The following ABCG2 variants were observed in gnomAD, a reference collection of about 807,000 sequenced individuals.
ABCG2 encodes the protein ATP binding cassette subfamily G member 2 (JR blood group).
A neutral mutation model predicts 73.5 loss-of-function variants in ABCG2; 80 were observed. The ratio of observed to expected loss-of-function variants is 1.09; its 90% CI spans 0.91 to 1.31. The LOEUF (loss-of-function observed/expected upper bound fraction) is 1.31. Among genes scored for constraint, ABCG2 ranks in the 50% most tolerant of loss-of-function variants. The probability of loss-of-function intolerance (pLI) is 0.00; values close to 1 mark genes in which losing one functional copy is unlikely to be tolerated. For synonymous variants in ABCG2, 269 were observed against 282.4 expected (o/e 0.95, Z 0.48); for missense variants, 796 against 786.2 (o/e 1.01, Z -0.15).
At chr4:88,121,110 G>T (rs1723936174) in intron 6 of ABCG2, among the ~76,000 whole-genome samples, 1 of 152,142 alleles carries the variant, frequency 6.6e-6, no homozygotes, top group African/African-American at 2.4e-5. Flanking sequence ...GATCAGGCCA[G>T]TAGGTCAACA....
chr4:88,114,473 G>A (rs1254218375), intron 8 of ABCG2, among the ~76,000 whole-genome samples: 4 of 151,852 alleles, frequency 2.6e-5, no homozygotes, highest in Non-Finnish European at 4.4e-5. Flanking sequence ...CTAAATATAC[G>A]AAAATTAGCC....
chr4:88,139,886 AAC>A lies in ABCG2; in HGVS notation c.108_109del (p.Leu37LysfsTer4). 6.2e-7 allele frequency: 1 copy of A among 1,614,190 alleles called. No homozygotes were observed. The highest frequency in any genetic ancestry group is 8.5e-7 in the Non-Finnish European group (1 of 1,180,022). On this transcript the variant is annotated frameshift_variant, in exon 2 of 16. Coordinates refer to ENST00000237612, the MANE Select transcript of ABCG2 (RefSeq NM_004827.3). LOFTEE classifies it high-confidence loss of function. The stretch of plus-strand genomic sequence containing the variant: ...TCGATAGCAGATGTTATGAAAACTT[AAC>A]ACAGCTCCTTCAGTAAATGCCTTCA...
chr4:88,144,683 C>T (rs1330058455), intron 1 of ABCG2, among the ~76,000 whole-genome samples: 1 of 152,052 alleles, frequency 6.6e-6, no homozygotes, highest in African/African-American at 2.4e-5. Context: ...TTTCAAACTC[C>T]TGACCTCAGG....
At chr4:88,223,915 A>T (rs1730101677) in intron 1 of ABCG2, 1 of 151,588 alleles carries the variant, frequency 6.6e-6, no homozygotes, top group African/African-American at 2.4e-5. Context: ...ATTGGGGTAA[A>T]GTGGTATCTC....
intron 13 of ABCG2, among the ~76,000 whole-genome samples, chr4:88,096,777 A>G (rs1459005756): frequency 6.6e-6 from 1 of 152,140 alleles, no homozygotes; most frequent in Non-Finnish European, 1.5e-5. Flanking sequence ...GCAGAAACAT[A>G]TTGAATGTCA....
intron 1 of ABCG2, among the ~76,000 whole-genome samples, chr4:88,195,550 C>G (rs13108900): frequency 0.84 from 127,831 of 152,170 alleles, 53,878 homozygotes; most frequent in East Asian, 1. Flanking sequence ...TTCGACAGAG[C>G]AGCATAAGGC....
chr4:88,189,725 CCTTT>C (rs1363435636), intron 1 of ABCG2, among the ~76,000 whole-genome samples: 1 of 152,062 alleles, frequency 6.6e-6, no homozygotes, highest in Non-Finnish European at 1.5e-5. Flanking sequence ...AATTTAAATG[CCTTT>C]CTTTTTGTTG....
chr4:88,110,825 A>T lies in ABCG2; in HGVS notation c.1194+2478T>A, dbSNP rs557711385. On this transcript the variant is annotated intron_variant, in intron 9 of 15. Transcript: ENST00000237612. Reference sequence around the variant, plus strand: ...ACCTGATCCTTTACAAAAAAAAAAAATATATATTGCCTACTCCTGCCCTAA... The same window carrying T: ...ACCTGATCCTTTACAAAAAAAAAAATTATATATTGCCTACTCCTGCCCTAA... Among the ~76,000 whole-genome samples the T allele has an allele frequency of 3.0e-3, 449 of 151,278 alleles. 4 individuals carry two copies. The highest frequency in any genetic ancestry group is 0.011 in the African/African-American group (434 of 41,322).
chr4:88,229,978 C>CATTATT (rs61485563), intron 1 of ABCG2, among the ~76,000 whole-genome samples: 10,678 of 143,522 alleles, frequency 0.074, 461 homozygotes, highest in East Asian at 0.11. Context: ...TTCTGGCATG[C>CATTATT]ATTATTATTA....
intron 1 of ABCG2, among the ~76,000 whole-genome samples, chr4:88,200,105 A>G (rs1729099162): frequency 6.6e-6 from 1 of 152,070 alleles, no homozygotes; most frequent in Non-Finnish European, 1.5e-5. Flanking sequence ...TGGGCAGATC[A>G]CTTGAGCTCA....
At chr4:88,123,632 AACAAAC>A (rs1240248429) in intron 5 of ABCG2, among the ~76,000 whole-genome samples, 3 of 152,058 alleles carry the variant, frequency 2.0e-5, no homozygotes, top group African/African-American at 7.2e-5. Context: ...AATGAAAAGG[AACAAAC>A]AAAGCCTTCA....
At chr4:88,140,083 ACATTTAAAACAAGTC>A (rs1725525689) in intron 1 of ABCG2, 69 bp from the exon 2 acceptor site, 1 of 1,284,296 alleles carries the variant, frequency 7.8e-7, no homozygotes. Flanking sequence ...AGGTGACAAT[ACATTTAAAACAAGTC>A]CATTTTTAAA....
chr4:88,110,747 G>A (rs1209727679), intron 9 of ABCG2, among the ~76,000 whole-genome samples: 1 of 151,838 alleles, frequency 6.6e-6, no homozygotes, highest in African/African-American at 2.4e-5. Flanking sequence ...AAACGGTAGA[G>A]CTGACTACCT....
chr4:88,177,313 A>G (rs984046125), intron 1 of ABCG2, among the ~76,000 whole-genome samples: 17 of 152,008 alleles, frequency 1.1e-4, no homozygotes, highest in Admixed American at 2.0e-4. Context: ...GGCGGAGCTT[A>G]CAGTGAGCCG....
At chr4:88,216,575 C>T (rs1016046685) in intron 1 of ABCG2, among the ~76,000 whole-genome samples, 2 of 152,160 alleles carry the variant, frequency 1.3e-5, no homozygotes, top group African/African-American at 4.8e-5. Context: ...TGCTGAATGT[C>T]CCGTTGACCA....
chr4:88,177,516 A>G (rs1178705481), intron 1 of ABCG2, among the ~76,000 whole-genome samples: 1 of 152,240 alleles, frequency 6.6e-6, no homozygotes, highest in South Asian at 2.1e-4. Flanking sequence ...GTGGAACAAG[A>G]TCACTGAATT....
At chr4:88,180,409 A>G (rs1728185268) in intron 1 of ABCG2, among the ~76,000 whole-genome samples, 1 of 152,208 alleles carries the variant, frequency 6.6e-6, no homozygotes, top group Non-Finnish European at 1.5e-5. Flanking sequence ...CCTATCTTAC[A>G]AGAAATGATA....
rs766922517 is a variant in ABCG2 at position 88,131,845 on chromosome 4, C to T, written c.336G>A (p.Pro112=). ...AATTACATTTGAAATTGGCAGGTCG[C>T]GGTGCTCCATTTATCAGAACATCTC... ...LSGDVLINGA[P]RPANFKCNSG... The change falls in exon 4 of 16, where the codon CCG becomes CCA. Residue 112 remains proline (P), a synonymous_variant. Transcript: ENST00000237612. 118 of 1,613,660 alleles carry T rather than the reference C, an allele frequency of 7.3e-5. No homozygotes were observed. The highest frequency in any genetic ancestry group is 1.8e-4 in the South Asian group (16 of 91,048).
At chr4:88,115,814 A>G (rs1723538636) in intron 7 of ABCG2, among the ~76,000 whole-genome samples, 1 of 152,140 alleles carries the variant, frequency 6.6e-6, no homozygotes, top group African/African-American at 2.4e-5. Flanking sequence ...CCAAAAGCCC[A>G]GGTGTGTTCT....
Sources: allele counts gnomAD v4.1 joint callset (sites outside exome capture counted in the v4.1 genomes callset), GRCh38; gene constraint gnomAD v4.1.1; transcripts MANE v1.5; gene names NCBI Gene and HGNC (gene_info 2026-07-23, HGNC 2026-07-21).